Variants in FHIT observed in about 807,000 individuals in gnomAD.
FHIT encodes the protein bis(5'-adenosyl)-triphosphatase.
Under a neutral mutation model 17.9 loss-of-function variants are expected in FHIT, and 19 were observed. The ratio of observed to expected loss-of-function variants is 1.06; its 90% confidence interval spans 0.74 to 1.56. The LOEUF is 1.56. Ranked by LOEUF, FHIT falls within the 40% of genes most tolerant of loss-of-function variation. The pLI, the probability that FHIT is intolerant of heterozygous loss-of-function variation, is 0.00. For synonymous variants in FHIT, 81 were observed against 69.7 expected, an observed-to-expected ratio of 1.16 and a Z score of -0.81; for missense variants, 248 against 189.2, an observed-to-expected ratio of 1.31 and a Z score of -1.82.
intron 5 of FHIT, among the ~76,000 whole-genome samples, chr3:60,187,009 A>G (rs1192603900): frequency 1.3e-5 from 2 of 152,148 alleles, no homozygotes; most frequent in Non-Finnish European, 1.5e-5. Flanking sequence ...GTTGAGGCCT[A>G]TTTTATCAAA....
At position 60,059,648 on chromosome 3, in the gene FHIT, G is replaced by T. The variant is rs75499048; in HGVS notation, c.104-45496C>A. Among the ~76,000 whole-genome samples the T allele has an allele frequency of 5.3e-3, 813 of 152,146 alleles. 7 individuals are homozygous for T. Among genetic ancestry groups the T allele is most frequent in the African/African-American group, 0.019 (789 of 41,508 alleles). The stretch of plus-strand genomic sequence containing the variant: ...CCTCAGCTGAATTCTTTCTCAGGAG[G>T]CAAGAACTGAGGTTGCTGCAGGCCC... On this transcript the variant is annotated intron_variant, in intron 5 of 9. Transcript: ENST00000492590.
rs541394138 is a variant in FHIT at position 61,226,004 on chromosome 3, A to G, written c.-213+25297T>C. ...AAGTGTTATTTATTTCTTCTGATAC[A>G]AAACTCAGGAACAGTAGAATTTCTC... is the stretch of plus-strand genomic sequence containing the variant. On this transcript the variant is annotated intron_variant, in intron 1 of 9. Coordinates refer to ENST00000492590, the MANE Select transcript of FHIT (RefSeq NM_002012.4). 1.2e-3 allele frequency among the ~76,000 whole-genome samples: 189 copies of G among 152,354 alleles called. 1 individual carries two copies. Among genetic ancestry groups the G allele is most frequent in the African/African-American group, 3.7e-3 (155 of 41,586 alleles).
intron 7 of FHIT, among the ~76,000 whole-genome samples, chr3:59,969,656 T>G (rs919500292): frequency 6.6e-6 from 1 of 152,134 alleles, no homozygotes; most frequent in Non-Finnish European, 1.5e-5. Flanking sequence ...CGTACTTGCG[T>G]GTATTAGATA....
At chr3:60,230,585 A>T (rs943650505) in intron 5 of FHIT, among the ~76,000 whole-genome samples, 13 of 152,244 alleles carry the variant, frequency 8.5e-5, no homozygotes, top group African/African-American at 2.9e-4. Context: ...AATGGATTCA[A>T]TTCACTGGTC....
At chr3:60,343,939 C>T (rs942482689) in intron 5 of FHIT, among the ~76,000 whole-genome samples, 5 of 152,108 alleles carry the variant, frequency 3.3e-5, no homozygotes, top group African/African-American at 1.2e-4. Context: ...GACCTGTCAT[C>T]AAATGTGACA....
intron 5 of FHIT, among the ~76,000 whole-genome samples, chr3:60,501,185 T>A (rs1183175221): frequency 6.6e-6 from 1 of 152,160 alleles, no homozygotes; most frequent in African/African-American, 2.4e-5. Flanking sequence ...TGAGAAACCA[T>A]TTCTCACCAA....
At chr3:60,022,051 A>G (rs968576313) in intron 5 of FHIT, among the ~76,000 whole-genome samples, 2 of 152,250 alleles carry the variant, frequency 1.3e-5, no homozygotes, top group Admixed American at 1.3e-4. Flanking sequence ...AAATTTGCTT[A>G]TCTACAAAAT....
chr3:60,978,898 T>C (rs1710374432), intron 3 of FHIT, among the ~76,000 whole-genome samples: 2 of 152,226 alleles, frequency 1.3e-5, no homozygotes, highest in South Asian at 4.1e-4. Context: ...TGTGTAGAGT[T>C]GTAACCACAT....
rs533109108 is a variant in FHIT at position 60,133,154 on chromosome 3, T to G, written c.104-119002A>C. Among the ~76,000 whole-genome samples, 12 of 152,212 alleles carry G rather than the reference T, an allele frequency of 7.9e-5. No individual in the cohort carries two copies. In the East Asian group the frequency reaches 1.9e-3, roughly 25 times the overall value. On this transcript the variant is annotated intron_variant, in intron 5 of 9. Coordinates refer to ENST00000492590, the MANE Select transcript of FHIT (RefSeq NM_002012.4). ...ACATCTTTCACGGCTCTTAAAACCT[T>G]AGGCTGGACAGTGAAGACATGGGCT...
intron 8 of FHIT, among the ~76,000 whole-genome samples, chr3:59,882,948 C>T (rs1401750100): frequency 6.6e-6 from 1 of 152,120 alleles, no homozygotes; most frequent in Non-Finnish European, 1.5e-5. Context: ...TGAGAATGTT[C>T]AGTGGAAATT....
At chr3:60,412,614 G>A (rs1224313715) in intron 5 of FHIT, among the ~76,000 whole-genome samples, 1 of 151,964 alleles carries the variant, frequency 6.6e-6, no homozygotes, top group Non-Finnish European at 1.5e-5. Context: ...ATTCCTCATA[G>A]CCATACCAGG....
chr3:60,204,786 A>C (rs1703094097), intron 5 of FHIT, among the ~76,000 whole-genome samples: 1 of 152,224 alleles, frequency 6.6e-6, no homozygotes, highest in South Asian at 2.1e-4. Flanking sequence ...ATGGTAGATT[A>C]AAATATCACT....
intron 5 of FHIT, among the ~76,000 whole-genome samples, chr3:60,387,781 T>A (rs1375731408): frequency 6.6e-6 from 1 of 152,144 alleles, no homozygotes; most frequent in East Asian, 1.9e-4. Context: ...TGGCTATAGT[T>A]TGCTTATGGT....
intron 8 of FHIT, among the ~76,000 whole-genome samples, chr3:59,819,528 T>A (rs2106648359): frequency 6.6e-6 from 1 of 152,326 alleles, no homozygotes; most frequent in South Asian, 2.1e-4. Flanking sequence ...GAAATAAGAA[T>A]ATAACCTCTT....
intron 3 of FHIT, among the ~76,000 whole-genome samples, chr3:60,878,669 G>A (rs965737474): frequency 2.0e-5 from 3 of 151,862 alleles, no homozygotes; most frequent in East Asian, 1.9e-4. Context: ...GCCCCGGTGT[G>A]TGATGTTCCC....
In FHIT at chr3:60,218,587, C is replaced by T. The variant is rs549594814; in HGVS notation, c.104-204435G>A. Among the ~76,000 whole-genome samples, 3 of 152,166 alleles carry T rather than the reference C, an allele frequency of 2.0e-5. No homozygotes were observed. In the South Asian group the frequency reaches 6.2e-4, roughly 32 times the overall value. On this transcript the variant is annotated intron_variant, in intron 5 of 9. Transcript: ENST00000492590. Reference sequence around the variant, plus strand: ...AGATTCTTGAAAATCATAATTAAAACAAACCTTTCGATCTTACAGAAAAGT... The same window carrying T: ...AGATTCTTGAAAATCATAATTAAAATAAACCTTTCGATCTTACAGAAAAGT...
At chr3:60,734,939 T>C (rs1157159790) in intron 4 of FHIT, among the ~76,000 whole-genome samples, 4 of 152,220 alleles carry the variant, frequency 2.6e-5, no homozygotes, top group Admixed American at 2.6e-4. Flanking sequence ...ACAGTTATAG[T>C]CAAGGGGCTA....
intron 5 of FHIT, among the ~76,000 whole-genome samples, chr3:60,301,212 A>G (rs1019922912): frequency 1.3e-5 from 2 of 152,156 alleles, no homozygotes; most frequent in African/African-American, 4.8e-5. Context: ...ATAATATTTC[A>G]TAATAGGAAA....
chr3:60,684,313 T>C (rs1313447523), intron 4 of FHIT, among the ~76,000 whole-genome samples: 2 of 152,122 alleles, frequency 1.3e-5, no homozygotes, highest in South Asian at 2.1e-4. Context: ...AATTTAATCA[T>C]ATCTGCAAGG....
Sources: gnomAD v4.1 joint callset for allele counts (sites outside exome capture counted in the v4.1 genomes callset) on GRCh38, gnomAD v4.1.1 for gene constraint, MANE v1.5 for transcripts, NCBI Gene and HGNC (gene_info 2026-07-23, HGNC 2026-07-21) for gene names.